Variants in VPS39 observed in about 807,000 individuals in gnomAD.
The protein encoded by VPS39 is VPS39 subunit of HOPS complex.
Under a neutral mutation model 121.0 loss-of-function variants are expected in VPS39, and 70 were observed. That is an observed-to-expected ratio of 0.58 (90% confidence interval 0.48 to 0.71). The LOEUF (loss-of-function observed/expected upper bound fraction) is 0.71, where lower values mean the gene tolerates loss of function less well. VPS39 is among the 30% of genes least tolerant of loss of function. The pLI, the probability that VPS39 is intolerant of heterozygous loss-of-function variation, is 0.00. For synonymous variants in VPS39, 378 were observed against 398.1 expected (o/e 0.95, Z 0.60); for missense variants, 818 against 1,051.5 (o/e 0.78, Z 3.07).
Position 42,160,763 on chromosome 15 carries a change from A to C in VPS39, c.2619T>G (p.Ala873=). ...HYFCSKEVNP[A]DT The stretch of plus-strand genomic sequence containing the variant: ...CCCCAGGATGCTGGGCTCAAGTGTC[A>C]GCTGGGTTTACCTCTTTGGAACAGA... The change falls in exon 25 of 25, where the codon GCT becomes GCG. Residue 873 remains alanine (A), a synonymous_variant. Transcript: ENST00000318006. 6.2e-7 allele frequency: 1 copy of C among 1,614,150 alleles called. No homozygotes were observed. Among genetic ancestry groups the C allele is most frequent in the Non-Finnish European group, 8.5e-7 (1 of 1,179,976 alleles).
intron 2 of VPS39, among the ~76,000 whole-genome samples, chr15:42,194,363 A>C (rs2049891141): frequency 6.6e-6 from 1 of 151,976 alleles, no homozygotes. Context: ...AATCCCAGTT[A>C]CTCAGGAGGC....
intron 1 of VPS39, 40 bp downstream of exon 1, chr15:42,208,041 T>A: frequency 1.3e-6 from 2 of 1,553,350 alleles, no homozygotes; most frequent in South Asian, 2.4e-5. Flanking sequence ...GGACCGCTCC[T>A]GTGCTGACTC....
Position 42,167,447 on chromosome 15 carries a change from T to G in VPS39, c.1324A>C (p.Lys442Gln). Residue 442 changes from lysine (K) to glutamine (Q), a missense_variant, in exon 13 of 25, where the codon AAG (lysine) becomes CAG (glutamine). Lys to Gln is a moderately conservative substitution (Grantham distance 53). Coordinates refer to ENST00000318006, the MANE Select transcript of VPS39 (RefSeq NM_015289.5). ...TCGATGATTTGTAGCAGCTTCTTCTTGGATTTGATGGTGGGAGTGCCTTCC... is the reference window on the plus strand; with the variant it reads ...TCGATGATTTGTAGCAGCTTCTTCTGGGATTTGATGGTGGGAGTGCCTTCC... ...LMEGTPTIKS[K>Q]KKLLQIIDTT... 6.2e-7 allele frequency: 1 copy of G among 1,614,180 alleles called. No individual in the cohort carries two copies.
At chr15:42,192,358 G>A (rs2049846600) in intron 2 of VPS39, among the ~76,000 whole-genome samples, 1 of 152,130 alleles carries the variant, frequency 6.6e-6, no homozygotes, top group Admixed American at 6.5e-5. Context: ...TCATATTTGA[G>A]GGGCATGAGG....
At chr15:42,170,645 T>C (rs2049328484) in intron 11 of VPS39, among the ~76,000 whole-genome samples, 1 of 151,856 alleles carries the variant, frequency 6.6e-6, no homozygotes, top group African/African-American at 2.4e-5. Flanking sequence ...AATGTTCTGC[T>C]ATATTAAGAA....
intron 2 of VPS39, among the ~76,000 whole-genome samples, chr15:42,196,007 A>T (rs2049929093): frequency 6.6e-6 from 1 of 152,220 alleles, no homozygotes; most frequent in Admixed American, 6.5e-5. Flanking sequence ...AGGCCTCAAA[A>T]ATAATACCAC....
intron 10 of VPS39, 122 bp from the exon 11 acceptor site, chr15:42,173,974 G>T: frequency 1.7e-6 from 2 of 1,192,546 alleles, no homozygotes; most frequent in South Asian, 1.5e-5. Flanking sequence ...AAGGCCGGGC[G>T]CGGTGCCTCA....
chr15:42,200,985 G>A (rs2050055672), intron 1 of VPS39, among the ~76,000 whole-genome samples: 1 of 152,190 alleles, frequency 6.6e-6, no homozygotes, highest in African/African-American at 2.4e-5. Flanking sequence ...GAAATGTCCA[G>A]AGTAGGCAAA....
intron 19 of VPS39, 83 bp from the exon 20 acceptor site, chr15:42,163,811 C>T (rs1484370523): frequency 7.7e-6 from 7 of 910,650 alleles, no homozygotes; most frequent in Admixed American, 2.7e-5. Flanking sequence ...GGAGTGGACA[C>T]GAGGCAATAT....
chr15:42,190,579 G>A (rs2049807517), intron 4 of VPS39, among the ~76,000 whole-genome samples: 1 of 152,070 alleles, frequency 6.6e-6, no homozygotes. Flanking sequence ...CCTTAGTCTG[G>A]CCACAATAAA....
At chr15:42,167,984 T>C (rs544285630) in intron 12 of VPS39, among the ~76,000 whole-genome samples, 11 of 152,368 alleles carry the variant, frequency 7.2e-5, no homozygotes, top group African/African-American at 2.2e-4. Context: ...TTGACAGATG[T>C]GTACATGCAT....
chr15:42,169,026 T>C (rs2049298798), intron 12 of VPS39, among the ~76,000 whole-genome samples: 2 of 152,206 alleles, frequency 1.3e-5, no homozygotes, highest in African/African-American at 4.8e-5. Flanking sequence ...GATGCTGGCT[T>C]TAGTGCTGAC....
intron 24 of VPS39, 166 bp downstream of exon 24, chr15:42,161,516 A>G: frequency 1.3e-6 from 1 of 779,138 alleles, no homozygotes; most frequent in Non-Finnish European, 2.3e-6. Flanking sequence ...CACTCCCAAC[A>G]GATAGAACAG....
chr15:42,193,100 G>GT (rs2049864341), intron 2 of VPS39, among the ~76,000 whole-genome samples: 1 of 152,104 alleles, frequency 6.6e-6, no homozygotes, highest in South Asian at 2.1e-4. Flanking sequence ...TTTACAAACA[G>GT]AATTTTCTAA....
intron 7 of VPS39, among the ~76,000 whole-genome samples, chr15:42,186,672 A>G (rs2049709836): frequency 6.6e-6 from 1 of 152,242 alleles, no homozygotes; most frequent in Non-Finnish European, 1.5e-5. Flanking sequence ...AAACAATTGT[A>G]TAGCATAGTA....
intron 10 of VPS39, among the ~76,000 whole-genome samples, 185 bp from the exon 11 acceptor site, chr15:42,174,037 G>C (rs2049398906): frequency 6.6e-6 from 1 of 152,142 alleles, no homozygotes; most frequent in Admixed American, 6.5e-5. Flanking sequence ...CACAAGGTCA[G>C]GAGATTGAGA....
intron 23 of VPS39, 82 bp from the exon 24 acceptor site, chr15:42,161,855 C>CT: frequency 6.3e-7 from 1 of 1,593,854 alleles, no homozygotes; most frequent in Non-Finnish European, 8.6e-7. Flanking sequence ...ACTGTGTCCT[C>CT]TTTCAGTCGT....
intron 8 of VPS39, among the ~76,000 whole-genome samples, chr15:42,184,034 T>G (rs1476575124): frequency 7.0e-6 from 1 of 143,220 alleles, no homozygotes; most frequent in African/African-American, 2.7e-5. Flanking sequence ...CACCTAAATG[T>G]TGTCTGTGCC....
At chr15:42,169,683 C>T (rs2049309730) in intron 12 of VPS39, 41 bp downstream of exon 12, 1 of 1,550,540 alleles carries the variant, frequency 6.4e-7, no homozygotes, top group Non-Finnish European at 8.8e-7. Flanking sequence ...AGTACTGAAA[C>T]TCCCAGGCAA....
Sources: gnomAD v4.1 joint callset for allele counts (sites outside exome capture counted in the v4.1 genomes callset) on GRCh38, gnomAD v4.1.1 for gene constraint, MANE v1.5 for transcripts, NCBI Gene and HGNC (gene_info 2026-07-23, HGNC 2026-07-21) for gene names.